The following UIMC1 variants were observed in gnomAD, a reference collection of about 807,000 sequenced individuals.
UIMC1 encodes ubiquitin interaction motif containing 1.
Under a neutral mutation model 84.9 loss-of-function variants are expected in UIMC1, and 42 were observed. The ratio of observed to expected loss-of-function variants is 0.49; its 90% CI spans 0.39 to 0.64. UIMC1 has a LOEUF of 0.64. Among genes scored for constraint, UIMC1 ranks in the 30% least tolerant of loss-of-function variants. The pLI, the probability that UIMC1 is intolerant of heterozygous loss-of-function variation, is 0.00. For synonymous variants in UIMC1, 281 were observed against 293.0 expected, an observed-to-expected ratio of 0.96 and a Z score of 0.42; for missense variants, 825 against 847.6, an observed-to-expected ratio of 0.97 and a Z score of 0.33.
rs111912954 is a variant in UIMC1 at position 176,987,103 on chromosome 5, C to A, written c.-8-4480G>T. On this transcript the variant is annotated intron_variant, in intron 1 of 14. Transcript: ENST00000511320. ...GGCGTGGTGGCGGGCGCCTGTAATC[C>A]CAGCTACTTGGGAGGCTGAGGCAGG... Among the ~76,000 whole-genome samples, 1,372 of 152,004 alleles carry A rather than the reference C, an allele frequency of 9.0e-3. 23 individuals are homozygous for A. The highest frequency in any genetic ancestry group is 0.031 in the African/African-American group (1,282 of 41,416).
chr5:177,005,556 CACA>C (rs1775132422), intron 1 of UIMC1, among the ~76,000 whole-genome samples: 1 of 151,486 alleles, frequency 6.6e-6, no homozygotes, highest in African/African-American at 2.4e-5. Context: ...TATCTAGTAT[CACA>C]ACAACTCTGC....
chr5:176,980,221 T>G (rs1044550121), intron 2 of UIMC1: 1 of 152,186 alleles, frequency 6.6e-6, no homozygotes, highest in Non-Finnish European at 1.5e-5. Context: ...TCAACCTCCA[T>G]AATTGAATGA....
intron 10 of UIMC1, among the ~76,000 whole-genome samples, chr5:176,941,761 C>G (rs1764468768): frequency 6.6e-6 from 1 of 152,026 alleles, no homozygotes; most frequent in South Asian, 2.1e-4. Flanking sequence ...CAGGCCAAAT[C>G]AGAGGTGGTA....
intron 8 of UIMC1, among the ~76,000 whole-genome samples, chr5:176,953,035 C>G (rs1173963242): frequency 6.6e-6 from 1 of 152,062 alleles, no homozygotes; most frequent in African/African-American, 2.4e-5. Context: ...AGGGCCTTCC[C>G]TCAAAAGAAT....
In UIMC1 at chr5:176,942,740, C is replaced by T. The variant is rs186892226; in HGVS notation, c.1597+595G>A. Among the ~76,000 whole-genome samples, 1,201 of 129,190 alleles carry T rather than the reference C, an allele frequency of 9.3e-3. 7 individuals are homozygous for T. Among genetic ancestry groups the T allele is most frequent in the Middle Eastern group, 0.03 (5 of 164 alleles). 84.8% of individuals were successfully genotyped at this position (129,190 alleles called of 152,430 possible). On this transcript the variant is annotated intron_variant, in intron 10 of 14. Coordinates refer to ENST00000511320, the MANE Select transcript of UIMC1 (RefSeq NM_001199298.2). ...CAGCCTGGGCGACAGAGCGAGACTC[C>T]GTCTTAAAAAAAAAAAAAAAAAAAA...
chr5:176,984,229 C>G (rs1162662778), intron 1 of UIMC1, among the ~76,000 whole-genome samples: 4 of 134,258 alleles, frequency 3.0e-5, no homozygotes, highest in Non-Finnish European at 6.4e-5. Flanking sequence ...GCCGCCCCAT[C>G]TGGAAAGTGA....
At chr5:176,969,885 G>A (rs984661668) in intron 4 of UIMC1, 179 bp from the exon 5 acceptor site, 16 of 603,884 alleles carry the variant, frequency 2.6e-5, no homozygotes, top group Non-Finnish European at 4.6e-5. Flanking sequence ...TGTTGTACTA[G>A]ATCACTATAC....
At position 176,950,763 on chromosome 5, in the gene UIMC1, G is replaced by A. The variant is rs151270755; in HGVS notation, c.1443+711C>T. On this transcript the variant is annotated intron_variant, in intron 9 of 14. Transcript: ENST00000511320. ...CGTGCACCTGTAATCCCAGCTACTC[G>A]GGTGGCTGAGGCAGGAGAAACACTT... Among the ~76,000 whole-genome samples, 761 of 151,984 alleles carry A rather than the reference G, an allele frequency of 5.0e-3. 24 individuals are homozygous for A. The East Asian group carries it at 0.057, about 11-fold the overall frequency.
Position 176,959,543 on chromosome 5 carries a change from C to T in UIMC1, c.1201-1389G>A, listed in dbSNP as rs185601224. 8.8e-3 allele frequency among the ~76,000 whole-genome samples: 1,326 copies of T among 150,990 alleles called. 8 individuals carry two copies. The highest frequency in any genetic ancestry group is 0.022 in the South Asian group (107 of 4,762). On this transcript the variant is annotated intron_variant, in intron 6 of 14. Coordinates refer to ENST00000511320, the MANE Select transcript of UIMC1 (RefSeq NM_001199298.2). ...CATCCCAGCTAAAACGGTGAAACCC[C>T]GTCTCTACTAAAAATACAAAAAATT...
intron 9 of UIMC1, 78 bp from the exon 10 acceptor site, chr5:176,943,566 C>T: frequency 6.6e-7 from 1 of 1,511,954 alleles, no homozygotes; most frequent in Non-Finnish European, 8.9e-7. Context: ...GAGACTCCAC[C>T]CCATATTTCA....
intron 9 of UIMC1, among the ~76,000 whole-genome samples, chr5:176,947,839 C>T (rs1765336627): frequency 6.6e-6 from 1 of 150,936 alleles, no homozygotes; most frequent in Non-Finnish European, 1.5e-5. Flanking sequence ...AAAAATTATA[C>T]AACTATTTTT....
At position 176,953,990 on chromosome 5, in the gene UIMC1, G is replaced by A. The variant is rs182992286; in HGVS notation, c.1339+1969C>T. On this transcript the variant is annotated intron_variant, in intron 8 of 14. Coordinates refer to ENST00000511320, the MANE Select transcript of UIMC1 (RefSeq NM_001199298.2). Reference sequence around the variant, plus strand: ...AAACCCAGGAGTTTGGCTTCATGGTGAAGCAGTTATACTTTCTTAGCAAAA... The same window carrying A: ...AAACCCAGGAGTTTGGCTTCATGGTAAAGCAGTTATACTTTCTTAGCAAAA... 9.1e-3 allele frequency among the ~76,000 whole-genome samples: 1,387 copies of A among 152,272 alleles called. 8 individuals are homozygous for A. Among genetic ancestry groups the A allele is most frequent in the South Asian group, 0.025 (121 of 4,820 alleles).
At chr5:176,945,738 GGTTAA>G (rs1249715462) in intron 9 of UIMC1, among the ~76,000 whole-genome samples, 1 of 152,112 alleles carries the variant, frequency 6.6e-6, no homozygotes, top group Admixed American at 6.5e-5. Flanking sequence ...GCCTCTTTAG[GGTTAA>G]GCCATACTCC....
exon 1 of UIMC1, chr5:177,022,591 A>T: frequency 1.2e-6 from 1 of 843,458 alleles, no homozygotes; most frequent in South Asian, 1.9e-5. Context: ...GAGGTAGCAA[A>T]GCAAAATAAG....
At chr5:176,920,554 A>T (rs1371127653) in intron 10 of UIMC1, among the ~76,000 whole-genome samples, 1 of 152,108 alleles carries the variant, frequency 6.6e-6, no homozygotes, top group African/African-American at 2.4e-5. Flanking sequence ...TATTAAATGT[A>T]ACTGTTTTCT....
chr5:177,022,147 G>A (rs139218782), intron 1 of UIMC1, among the ~76,000 whole-genome samples: 116 of 152,248 alleles, frequency 7.6e-4, no homozygotes, highest in Non-Finnish European at 1.3e-3. Flanking sequence ...GGGGTTGGAA[G>A]ATAAAATTTG....
chr5:176,914,454 T>C (rs773101320), intron 10 of UIMC1, among the ~76,000 whole-genome samples: 10 of 152,224 alleles, frequency 6.6e-5, no homozygotes, highest in African/African-American at 9.6e-5. Flanking sequence ...CAAACACTTA[T>C]TGACAATCTT....
rs575184691 is a variant in UIMC1 at position 176,912,143 on chromosome 5, G to A, written c.1598-754C>T. ...ACAACAGATAATTTAGCAGGGTTAC[G>A]AGTAACTTAGGTTGTGAAGCATTTA... On this transcript the variant is annotated intron_variant, in intron 10 of 14. Coordinates refer to ENST00000511320, the MANE Select transcript of UIMC1 (RefSeq NM_001199298.2). Among the ~76,000 whole-genome samples, 63 of 152,310 alleles carry A rather than the reference G, an allele frequency of 4.1e-4. 2 individuals carry two copies. In the South Asian group the frequency reaches 0.012, roughly 30 times the overall value.
chr5:176,998,854 T>G (rs1214654032), intron 1 of UIMC1, among the ~76,000 whole-genome samples: 3 of 152,080 alleles, frequency 2.0e-5, no homozygotes, highest in African/African-American at 7.2e-5. Context: ...TTTTCTCCTT[T>G]ATTCAAAATT....
Sources: gnomAD v4.1 joint callset for allele counts (sites outside exome capture counted in the v4.1 genomes callset) on GRCh38, gnomAD v4.1.1 for gene constraint, MANE v1.5 for transcripts, NCBI Gene and HGNC (gene_info 2026-07-23, HGNC 2026-07-21) for gene names.